The following CLDN6 variants were observed in gnomAD, a reference collection of about 807,000 sequenced individuals.
CLDN6 encodes the protein claudin-6.
For missense variants in CLDN6, 279 were observed against 284.1 expected, an observed-to-expected ratio of 0.98 and a Z score of 0.13; for synonymous variants, 144 against 131.2, an observed-to-expected ratio of 1.10 and a Z score of -0.67.
chr16:3,015,719 C>A lies in CLDN6; in HGVS notation c.303G>T (p.Gly101=). 1 of 1,613,896 alleles carries A rather than the reference C, an allele frequency of 6.2e-7. No homozygotes were observed. Among genetic ancestry groups the A allele is most frequent in the South Asian group, 1.1e-5 (1 of 91,082 alleles). Residue 101 remains glycine, a synonymous_variant, in exon 2 of 2, where the codon GGG becomes GGT. Transcript: ENST00000328796. ...CCTCCACACAGGTGGTACACTTGGC[C>A]CCAGCAAGGTAGACCAGCAAGCCGA... The part of the protein sequence containing the change: ...ALFGLLVYLA[G]AKCTTCVEEK...
At chr16:3,017,032 G>A (rs1429251136) in intron 1 of CLDN6, among the ~76,000 whole-genome samples, 22 of 151,990 alleles carry the variant, frequency 1.4e-4, no homozygotes, top group Admixed American at 1.1e-3. Flanking sequence ...TGATCTGCCC[G>A]CCTCAAGCCT....
Position 3,015,824 on chromosome 16 carries a change from C to T in CLDN6, c.198G>A (p.Val66=). The change falls in exon 2 of 2, where the codon GTG becomes GTA. Residue 66 remains valine (V), a synonymous_variant. Transcript: ENST00000328796. ...VQSTGQMQCK[V]YDSLLALPQD... is the part of the protein sequence containing the mutation. The stretch of plus-strand genomic sequence containing the variant: ...GTGGCAGCGCCAGCAGTGAGTCGTA[C>T]ACCTTGCACTGCATCTGGCCGGTGC... The T allele has an allele frequency of 6.2e-7, 1 of 1,614,172 alleles. No homozygotes were observed. Among genetic ancestry groups the T allele is most frequent in the African/African-American group, 1.3e-5 (1 of 75,076 alleles).
chr16:3,016,035 G>A lies in CLDN6; in HGVS notation c.-14C>T. On this transcript the variant is annotated 5_prime_UTR_variant, in exon 2 of 2. Transcript: ENST00000328796. ...GGCAGAGGCCATGGCGAGGTTGAAG[G>A]AGCTGCACTGTGTTTGGGACAGAAG... 1.9e-6 allele frequency: 3 copies of A among 1,608,632 alleles called. No homozygotes were observed. The highest frequency in any genetic ancestry group is 2.5e-6 in the Non-Finnish European group (3 of 1,176,656).
At position 3,014,848 on chromosome 16, in the gene CLDN6, A is replaced by G; in HGVS notation, c.*511T>C. On this transcript the variant is annotated 3_prime_UTR_variant, in exon 2 of 2. Coordinates refer to ENST00000328796, the MANE Select transcript of CLDN6 (RefSeq NM_021195.5). ...GCTGGGACCTGGCCCTGGGGGGTGG[A>G]CGTCTTATCAGGACGGAGGAAACAG... The G allele has an allele frequency of 6.4e-6, 2 of 314,402 alleles. No homozygotes were observed. 19.5% of individuals were successfully genotyped at this position (314,402 alleles called of 1,614,324 possible).
At chr16:3,018,065 C>G (rs2072579269) in intron 1 of CLDN6, 84 bp downstream of exon 1, 1 of 152,394 alleles carries the variant, frequency 6.6e-6, no homozygotes, top group South Asian at 2.1e-4. Context: ...CCCGAGTTCG[C>G]ACGCACCCCT....
Position 3,015,358 on chromosome 16 carries a change from G to C in CLDN6, c.*1C>G, listed in dbSNP as rs113135801. ...CAGCGGAGCCCCCATTCCCCTCCACGTCAGACGTAATTCTTGGTAGGGTAC... is the reference window on the plus strand; with the variant it reads ...CAGCGGAGCCCCCATTCCCCTCCACCTCAGACGTAATTCTTGGTAGGGTAC... On this transcript the variant is annotated 3_prime_UTR_variant, in exon 2 of 2. Coordinates refer to ENST00000328796, the MANE Select transcript of CLDN6 (RefSeq NM_021195.5). 6.6e-7 allele frequency: 1 copy of C among 1,519,828 alleles called. No individual in the cohort carries two copies. 94.1% of individuals were successfully genotyped at this position (1,519,828 alleles called of 1,614,324 possible).
At position 3,015,606 on chromosome 16, in the gene CLDN6, G is replaced by T. The variant is rs370107079; in HGVS notation, c.416C>A (p.Thr139Lys). Reference protein sequence around the residue: ...GVLTLIPVCWTAHAIIRDFYN... With the variant: ...GVLTLIPVCWKAHAIIRDFYN... The stretch of plus-strand genomic sequence containing the variant: ...GAAGTCCCGGATGATGGCATGCGCC[G>T]TCCAGCACACGGGGATTAGCGTCAG... Residue 139 changes from threonine to lysine, a missense_variant, in exon 2 of 2, where the codon ACG becomes AAG. Physicochemically the swap from Thr to Lys is moderately conservative, Grantham distance 78. Transcript: ENST00000328796. 6.2e-7 allele frequency: 1 copy of T among 1,613,222 alleles called. No homozygotes were observed. The highest frequency in any genetic ancestry group is 8.5e-7 in the Non-Finnish European group (1 of 1,180,040).
Position 3,015,769 on chromosome 16 carries a change from C to A in CLDN6, c.253G>T (p.Val85Phe). 3 of 1,614,108 alleles carry A rather than the reference C, an allele frequency of 1.9e-6. No individual in the cohort carries two copies. In the South Asian group the frequency reaches 3.3e-5, roughly 18 times the overall value. The change falls in exon 2 of 2, where the codon GTC becomes TTC. Residue 85 changes from valine to phenylalanine, a missense_variant. By Grantham distance (50) the Val-to-Phe change is conservative. Coordinates refer to ENST00000328796, the MANE Select transcript of CLDN6 (RefSeq NM_021195.5). ...QDLQAARALCVIALLVALFGL... is the reference protein window; with the variant it reads ...QDLQAARALCFIALLVALFGL... ...AACAGGGCCACAAGGAGGGCGATGA[C>A]ACAGAGGGCACGTGCAGCCTGCAGG... is the stretch of plus-strand genomic sequence containing the variant.
In CLDN6 at chr16:3,015,783, G is replaced by A. The variant is rs779954917; in HGVS notation, c.239C>T (p.Ala80Val). 5 of 1,614,128 alleles carry A rather than the reference G, an allele frequency of 3.1e-6. No individual in the cohort carries two copies. Among genetic ancestry groups the A allele is most frequent in the South Asian group, 2.2e-5 (2 of 91,082 alleles). The change falls in exon 2 of 2, where the codon GCA (alanine) becomes GTA (valine). Residue 80 changes from alanine (A) to valine (V), a missense_variant. Transcript: ENST00000328796. ...LLALPQDLQA[A>V]RALCVIALLV... is the part of the protein sequence containing the mutation. ...GAGGGCGATGACACAGAGGGCACGT[G>A]CAGCCTGCAGGTCCTGTGGCAGCGC...
In CLDN6 at chr16:3,015,411, G is replaced by A; in HGVS notation, c.611C>T (p.Ala204Val). ...AGAGGGCCCCCGAGAGATGGCAGGG[G>A]CAGATGTTGAGTAGCGGGCCATGTA... ...SHYMARYSTS[A>V]PAISRGPSEY... Residue 204 changes from alanine to valine, a missense_variant, in exon 2 of 2, where the codon GCC becomes GTC. Transcript: ENST00000328796. The A allele has an allele frequency of 2.0e-6, 3 of 1,536,328 alleles. No individual in the cohort carries two copies. The highest frequency in any genetic ancestry group is 2.6e-6 in the Non-Finnish European group (3 of 1,144,382).
Position 3,015,458 on chromosome 16 carries a change from C to A in CLDN6, c.564G>T (p.Gly188=). 6.3e-7 allele frequency: 1 copy of A among 1,585,272 alleles called. No individual in the cohort carries two copies. Among genetic ancestry groups the A allele is most frequent in the Non-Finnish European group, 8.6e-7 (1 of 1,165,128 alleles). The part of the protein sequence containing the change: ...GGLLCCTCPS[G]GSQGPSHYMA... ...TGTAATGGCTGGGGCCCTGGGACCC[C>A]CCCGAGGGGCAAGTGCAGCACAGCA... is the stretch of plus-strand genomic sequence containing the variant. Residue 188 remains glycine, a synonymous_variant, in exon 2 of 2, where the codon GGG becomes GGT. Coordinates refer to ENST00000328796, the MANE Select transcript of CLDN6 (RefSeq NM_021195.5).
rs780798344 is a variant in CLDN6 at position 3,015,956 on chromosome 16, C to G, written c.66G>C (p.Leu22=). ...TCCACATGGGCAGGGCACAGGAGACCAGGCCATTCACCCAGCCCAGCAGTG... is the reference window on the plus strand; with the variant it reads ...TCCACATGGGCAGGGCACAGGAGACGAGGCCATTCACCCAGCCCAGCAGTG... ...VLTLLGWVNG[L]VSCALPMWKV... is the part of the protein sequence containing the mutation. Residue 22 remains leucine, a synonymous_variant, in exon 2 of 2, where the codon CTG becomes CTC. Coordinates refer to ENST00000328796, the MANE Select transcript of CLDN6 (RefSeq NM_021195.5). The G allele has an allele frequency of 2.5e-6, 4 of 1,614,100 alleles. No homozygotes were observed. In the Admixed American group the frequency reaches 6.7e-5, roughly 27 times the overall value.
At chr16:3,016,616 G>C (rs1217816730) in intron 1 of CLDN6, among the ~76,000 whole-genome samples, 1 of 151,738 alleles carries the variant, frequency 6.6e-6, no homozygotes, top group Admixed American at 6.6e-5. Flanking sequence ...AAGTAGCTGG[G>C]ATTACAGGTG....
At position 3,015,812 on chromosome 16, in the gene CLDN6, C is replaced by T; in HGVS notation, c.210G>A (p.Leu70=). 6.2e-7 allele frequency: 1 copy of T among 1,614,110 alleles called. No individual in the cohort carries two copies. Among genetic ancestry groups the T allele is most frequent in the South Asian group, 1.1e-5 (1 of 91,086 alleles). Residue 70 remains leucine, a synonymous_variant, in exon 2 of 2, where the codon CTG becomes CTA. Coordinates refer to ENST00000328796, the MANE Select transcript of CLDN6 (RefSeq NM_021195.5). ...GQMQCKVYDS[L]LALPQDLQAA... is the part of the protein sequence containing the mutation. ...CCTGCAGGTCCTGTGGCAGCGCCAG[C>T]AGTGAGTCGTACACCTTGCACTGCA...
rs144498371 is a variant in CLDN6, at chr16:3,015,719, C to G, written c.303G>C (p.Gly101=). Residue 101 remains glycine (G), a synonymous_variant, in exon 2 of 2, where the codon GGG becomes GGC. Coordinates refer to ENST00000328796, the MANE Select transcript of CLDN6 (RefSeq NM_021195.5). The stretch of plus-strand genomic sequence containing the variant: ...CCTCCACACAGGTGGTACACTTGGC[C>G]CCAGCAAGGTAGACCAGCAAGCCGA... ...ALFGLLVYLA[G]AKCTTCVEEK... The G allele has an allele frequency of 8.3e-5, 134 of 1,613,896 alleles. 1 individual carries two copies. The African/African-American group carries it at 1.6e-3, about 19-fold the overall frequency.
rs574214108 is a variant in CLDN6, at chr16:3,015,960, C to G, written c.62G>C (p.Gly21Ala). The G allele has an allele frequency of 1.5e-5, 24 of 1,614,216 alleles. 1 individual carries two copies. In the African/African-American group the frequency reaches 2.1e-4, roughly 14 times the overall value. ...CATGGGCAGGGCACAGGAGACCAGG[C>G]CATTCACCCAGCCCAGCAGTGTCAG... The part of the protein sequence containing the change: ...VVLTLLGWVN[G>A]LVSCALPMWK... The change falls in exon 2 of 2, where the codon GGC becomes GCC. Residue 21 changes from glycine to alanine, a missense_variant. Coordinates refer to ENST00000328796, the MANE Select transcript of CLDN6 (RefSeq NM_021195.5).
intron 1 of CLDN6, among the ~76,000 whole-genome samples, chr16:3,017,272 C>T (rs935072417): frequency 2.0e-5 from 3 of 152,186 alleles, no homozygotes; most frequent in Non-Finnish European, 4.4e-5. Flanking sequence ...ACTCCCTGGC[C>T]CCACCCTTCT....
At chr16:3,016,150 T>C in intron 1 of CLDN6, 108 bp from the exon 2 acceptor site, 1 of 1,002,966 alleles carries the variant, frequency 1.0e-6, no homozygotes. Context: ...GGTCATCACA[T>C]CCTGGAACTC....
At position 3,016,007 on chromosome 16, in the gene CLDN6, T is replaced by C; in HGVS notation, c.15A>G (p.Gly5=). 1 of 1,613,598 alleles carries C rather than the reference T, an allele frequency of 6.2e-7. No individual in the cohort carries two copies. The highest frequency in any genetic ancestry group is 8.5e-7 in the Non-Finnish European group (1 of 1,179,642). MASA[G]MQILGVVLTL... ...TCAGGACGACTCCCAGGATCTGCATTCCGGCAGAGGCCATGGCGAGGTTGA... is the reference window on the plus strand; with the variant it reads ...TCAGGACGACTCCCAGGATCTGCATCCCGGCAGAGGCCATGGCGAGGTTGA... The change falls in exon 2 of 2, where the codon GGA becomes GGG. Residue 5 remains glycine, a synonymous_variant. Transcript: ENST00000328796.
Sources: gnomAD v4.1 joint callset for allele counts (sites outside exome capture counted in the v4.1 genomes callset) on GRCh38, gnomAD v4.1.1 for gene constraint, MANE v1.5 for transcripts, NCBI Gene and HGNC (gene_info 2026-07-23, HGNC 2026-07-21) for gene names.